Variants in TTBK2 observed in about 807,000 individuals in gnomAD.
TTBK2 encodes the protein tau-tubulin kinase 2.
In TTBK2, 28 loss-of-function variants were observed where a neutral mutation model predicts 110.8. That is an observed-to-expected ratio of 0.25 (90% CI 0.19 to 0.35). The LOEUF (loss-of-function observed/expected upper bound fraction) is 0.35, where lower values mean the gene tolerates loss of function less well. TTBK2 is among the 10% of genes least tolerant of loss of function. The pLI is 1.00. For missense variants in TTBK2, 1,369 were observed against 1,500.3 expected, an observed-to-expected ratio of 0.91 and a Z score of 1.45; for synonymous variants, 532 against 527.3, an observed-to-expected ratio of 1.01 and a Z score of -0.12.
At chr15:42,861,228 CT>C (rs1445936212) in intron 3 of TTBK2, among the ~76,000 whole-genome samples, 1 of 152,110 alleles carries the variant, frequency 6.6e-6, no homozygotes, top group Non-Finnish European at 1.5e-5. Flanking sequence ...AAATTCTGGA[CT>C]TAAACTCGAC....
At chr15:42,838,116 G>C (rs949215924) in intron 4 of TTBK2, among the ~76,000 whole-genome samples, 3 of 151,740 alleles carry the variant, frequency 2.0e-5, no homozygotes, top group African/African-American at 7.3e-5. Flanking sequence ...GCTGAGGCAG[G>C]AGAATCGCTT....
At chr15:42,783,247 C>T (rs1458354036) in intron 11 of TTBK2, among the ~76,000 whole-genome samples, 172 bp downstream of exon 11, 1 of 152,090 alleles carries the variant, frequency 6.6e-6, no homozygotes, top group Non-Finnish European at 1.5e-5. Context: ...GGTGTCCTTA[C>T]AAAAGAGGCC....
intron 13 of TTBK2, among the ~76,000 whole-genome samples, chr15:42,766,663 G>A (rs1007423937): frequency 6.6e-6 from 1 of 151,986 alleles, no homozygotes; most frequent in Non-Finnish European, 1.5e-5. Flanking sequence ...AAGAGACTTA[G>A]ACTCCCACAC....
Position 42,740,534 on chromosome 15 carries a change from G to T in TTBK2, c.*5261C>A, listed in dbSNP as rs1029408064. 6.6e-6 allele frequency: 1 copy of T among 150,720 alleles called. No homozygotes were observed. The highest frequency in any genetic ancestry group is 2.4e-5 in the African/African-American group (1 of 41,022). The allele number at this position is 150,720 out of a possible 1,614,324, so 9.3% of individuals were successfully genotyped here. ...ATTAGAAGACGTCTTAATGGGCATA[G>T]ACTTTATTTTTGTTTTACTTTTTTT... On this transcript the variant is annotated 3_prime_UTR_variant, in exon 15 of 15. Transcript: ENST00000267890.
chr15:42,814,933 A>G lies in TTBK2; in HGVS notation c.603+2099T>C, dbSNP rs1037547661. ...TAACTGTTAGAGGACACTGTGCTGG[A>G]AAGGCTTTTAGAAGAAATTGCCACT... On this transcript the variant is annotated intron_variant, in intron 7 of 14. Coordinates refer to ENST00000267890, the MANE Select transcript of TTBK2 (RefSeq NM_173500.4). Among the ~76,000 whole-genome samples, 4 of 152,238 alleles carry G rather than the reference A, an allele frequency of 2.6e-5. No individual in the cohort carries two copies. In the East Asian group the frequency reaches 7.7e-4, roughly 29 times the overall value.
At chr15:42,810,585 T>C (rs1437801104) in intron 9 of TTBK2, 29 bp downstream of exon 9, 6 of 1,612,752 alleles carry the variant, frequency 3.7e-6, no homozygotes, top group Non-Finnish European at 5.1e-6. Flanking sequence ...AGAAAATAAC[T>C]AACCCACAGA....
intron 3 of TTBK2, chr15:42,857,589 T>G (rs1422314199): frequency 6.6e-6 from 1 of 152,058 alleles, no homozygotes; most frequent in Non-Finnish European, 1.5e-5. Flanking sequence ...TCCTCTCCAA[T>G]GAGTCTCTAA....
At position 42,777,011 on chromosome 15, in the gene TTBK2, A is replaced by C; in HGVS notation, c.1409+20T>G. The C allele has an allele frequency of 6.2e-7, 1 of 1,611,210 alleles. No individual in the cohort carries two copies. Among genetic ancestry groups the C allele is most frequent in the South Asian group, 1.1e-5 (1 of 90,914 alleles). ...ATGGTACCTTAGAAGCTTTAAAAAG[A>C]AAAATACACTATTTTATACCAGGTC... is the stretch of plus-strand genomic sequence containing the variant. On this transcript the variant is annotated intron_variant, in intron 12 of 14. Coordinates refer to ENST00000267890, the MANE Select transcript of TTBK2 (RefSeq NM_173500.4).
At chr15:42,762,428 G>C (rs1272156391) in intron 13 of TTBK2, among the ~76,000 whole-genome samples, 2 of 152,042 alleles carry the variant, frequency 1.3e-5, no homozygotes, top group Non-Finnish European at 2.9e-5. Context: ...AAGAAAATGT[G>C]GTATAGCGGC....
Position 42,765,374 on chromosome 15 carries a change from A to G in TTBK2, c.1998+9761T>C, listed in dbSNP as rs1889311902. Among the ~76,000 whole-genome samples, 3 of 152,366 alleles carry G rather than the reference A, an allele frequency of 2.0e-5. No individual in the cohort carries two copies. In the South Asian group the frequency reaches 6.2e-4, roughly 32 times the overall value. On this transcript the variant is annotated intron_variant, in intron 13 of 14. Coordinates refer to ENST00000267890, the MANE Select transcript of TTBK2 (RefSeq NM_173500.4). Reference sequence around the variant, plus strand: ...CAAGGAAGCTAAAAACCTTGAAAAAAGATTAGACGAATGGCTAACTAGAAT... The same window carrying G: ...CAAGGAAGCTAAAAACCTTGAAAAAGGATTAGACGAATGGCTAACTAGAAT...
At chr15:42,785,157 T>C (rs1214518899) in intron 10 of TTBK2, among the ~76,000 whole-genome samples, 1 of 146,522 alleles carries the variant, frequency 6.8e-6, no homozygotes, top group Non-Finnish European at 1.5e-5. Flanking sequence ...TCAAGCTCTG[T>C]CTCTCAGGCT....
intron 6 of TTBK2, among the ~76,000 whole-genome samples, chr15:42,825,902 A>G (rs529832576): frequency 2.6e-5 from 4 of 152,210 alleles, no homozygotes; most frequent in African/African-American, 9.6e-5. Context: ...TGATCAGGAA[A>G]GGACCCACAG....
In TTBK2 at chr15:42,745,673, A is replaced by G; in HGVS notation, c.*122T>C. The G allele has an allele frequency of 3.4e-6, 4 of 1,177,370 alleles. No individual in the cohort carries two copies. Among genetic ancestry groups the G allele is most frequent in the African/African-American group, 1.5e-5 (1 of 66,472 alleles). 72.9% of individuals were successfully genotyped at this position (1,177,370 alleles called of 1,614,324 possible). A position where few individuals can be genotyped will look rare whatever the true frequency, so the allele number is the denominator to read the frequency against. ...TATGTCTTCTTATAAATAATTGATC[A>G]TGTTACTTTCTTTTGCAAGAGAAGA... On this transcript the variant is annotated 3_prime_UTR_variant, in exon 15 of 15. Coordinates refer to ENST00000267890, the MANE Select transcript of TTBK2 (RefSeq NM_173500.4).
At chr15:42,834,268 T>G (rs1424278722) in intron 4 of TTBK2, among the ~76,000 whole-genome samples, 1 of 152,014 alleles carries the variant, frequency 6.6e-6, no homozygotes, top group African/African-American at 2.4e-5. Context: ...CATTGTAAAT[T>G]TGAATTAGAA....
chr15:42,797,087 A>C (rs1374954463), intron 9 of TTBK2, among the ~76,000 whole-genome samples: 1 of 152,248 alleles, frequency 6.6e-6, no homozygotes, highest in Non-Finnish European at 1.5e-5. Context: ...TTGAAGTGCC[A>C]GACCTTTGAC....
rs2061761005 is a variant in TTBK2, at chr15:42,743,229, GA to G, written c.*2565del. ...GGACTGTTTATCTCTGGATCTTGAT[GA>G]GTTTGTCAATGCCATTTAGAAAAGG... is the stretch of plus-strand genomic sequence containing the variant. On this transcript the variant is annotated 3_prime_UTR_variant, in exon 15 of 15. Transcript: ENST00000267890. 1 of 152,192 alleles carries G rather than the reference GA, an allele frequency of 6.6e-6. No homozygotes were observed. The highest frequency in any genetic ancestry group is 2.4e-5 in the African/African-American group (1 of 41,442). 9.4% of individuals were successfully genotyped at this position (152,192 alleles called of 1,614,324 possible). A position where few individuals can be genotyped will look rare whatever the true frequency, so the allele number is the denominator to read the frequency against.
chr15:42,872,043 G>A (rs1320378438), intron 3 of TTBK2, among the ~76,000 whole-genome samples: 2 of 151,870 alleles, frequency 1.3e-5, no homozygotes, highest in African/African-American at 4.8e-5. Flanking sequence ...ATTCATGTCA[G>A]AAAAAAAATT....
chr15:42,801,763 A>G (rs1891218710), intron 9 of TTBK2: 1 of 819,624 alleles, frequency 1.2e-6, no homozygotes, highest in East Asian at 2.4e-5. Flanking sequence ...CTTGGCAGTC[A>G]GCTCTTTCAG....
At chr15:42,882,261 C>A (rs1018993510) in intron 1 of TTBK2, among the ~76,000 whole-genome samples, 1 of 151,646 alleles carries the variant, frequency 6.6e-6, no homozygotes, top group Non-Finnish European at 1.5e-5. Flanking sequence ...CATATCATAA[C>A]CAAACTGCTG....
Sources: allele counts gnomAD v4.1 joint callset (sites outside exome capture counted in the v4.1 genomes callset), GRCh38; gene constraint gnomAD v4.1.1; transcripts MANE v1.5; gene names NCBI Gene and HGNC (gene_info 2026-07-23, HGNC 2026-07-21).